CSMD1: variants seen among roughly 807,000 people sequenced by gnomAD.
CSMD1 encodes the protein CUB and Sushi multiple domains 1.
A neutral mutation model predicts 417.5 loss-of-function variants in CSMD1; 213 were observed. The ratio of observed to expected loss-of-function variants is 0.51; its 90% confidence interval spans 0.46 to 0.57. The LOEUF is 0.57. Ranked by LOEUF, CSMD1 falls within the 20% of genes least tolerant of loss-of-function variation. The pLI is 0.00. For missense variants in CSMD1, 6,923 were observed against 4,529.7 expected, an observed-to-expected ratio of 1.53 and a Z score of -15.17; for synonymous variants, 2,862 against 1,736.8, an observed-to-expected ratio of 1.65 and a Z score of -16.11.
chr8:3,566,289 A>G (rs1318013024), intron 10 of CSMD1, among the ~76,000 whole-genome samples: 1 of 152,156 alleles, frequency 6.6e-6, no homozygotes, highest in Non-Finnish European at 1.5e-5. Context: ...AAGGTGGAGG[A>G]CTTAGTATTT....
Position 3,399,537 on chromosome 8 carries a change from A to G in CSMD1, c.2267-8T>C. On this transcript the variant is annotated splice_polypyrimidine_tract_variant and splice_region_variant and intron_variant, in intron 15 of 69. Transcript: ENST00000635120. ...GATGTCCACCACATGGAGCTAAAAC[A>G]AGACGTAGAATATCTATTAGATCCA... 6.3e-7 allele frequency: 1 copy of G among 1,576,086 alleles called. No homozygotes were observed. Among genetic ancestry groups the G allele is most frequent in the Non-Finnish European group, 8.6e-7 (1 of 1,163,974 alleles).
intron 3 of CSMD1, among the ~76,000 whole-genome samples, chr8:4,342,963 A>G (rs1022803936): frequency 6.6e-6 from 1 of 152,132 alleles, no homozygotes; most frequent in African/African-American, 2.4e-5. Flanking sequence ...TCTGACAGGT[A>G]GATGTCAGGT....
intron 5 of CSMD1, among the ~76,000 whole-genome samples, chr8:3,762,887 G>C (rs1286557245): frequency 6.6e-6 from 1 of 151,888 alleles, no homozygotes; most frequent in East Asian, 1.9e-4. Flanking sequence ...CTGCTGATGA[G>C]AGCTGCTACT....
intron 8 of CSMD1, among the ~76,000 whole-genome samples, chr8:3,589,968 G>GTT (rs1800776704): frequency 8.6e-6 from 1 of 116,760 alleles, no homozygotes; most frequent in African/African-American, 3.2e-5. Context: ...AATTTCTGGT[G>GTT]ATATTCTTCA....
chr8:3,258,913 G>A (rs1311273821), intron 26 of CSMD1, among the ~76,000 whole-genome samples: 1 of 152,178 alleles, frequency 6.6e-6, no homozygotes, highest in Admixed American at 6.5e-5. Flanking sequence ...GACACATAAA[G>A]GGGAACAATA....
intron 1 of CSMD1, among the ~76,000 whole-genome samples, chr8:4,866,361 A>G (rs1185261372): frequency 6.6e-6 from 1 of 151,964 alleles, no homozygotes; most frequent in African/African-American, 2.4e-5. Context: ...AAAAATAACA[A>G]CTACTGTCTT....
intron 2 of CSMD1, among the ~76,000 whole-genome samples, chr8:4,614,391 A>T (rs1801358381): frequency 6.6e-6 from 1 of 152,190 alleles, no homozygotes; most frequent in Non-Finnish European, 1.5e-5. Flanking sequence ...GACAGAAAAC[A>T]GTCCAGATAT....
chr8:4,123,035 G>A (rs566594833), intron 3 of CSMD1, among the ~76,000 whole-genome samples: 16 of 152,198 alleles, frequency 1.1e-4, no homozygotes, highest in African/African-American at 2.9e-4. Context: ...TCAGAGACTG[G>A]AATTTTTCTG....
intron 3 of CSMD1, among the ~76,000 whole-genome samples, chr8:4,386,478 A>G (rs1018705737): frequency 6.6e-5 from 10 of 152,344 alleles, no homozygotes; most frequent in African/African-American, 2.2e-4. Flanking sequence ...AAACCACCTT[A>G]TCTCCCAGTC....
intron 1 of CSMD1, among the ~76,000 whole-genome samples, chr8:4,779,921 C>G (rs1797066940): frequency 6.6e-6 from 1 of 150,528 alleles, no homozygotes; most frequent in South Asian, 2.1e-4. Context: ...TTTTTTTTCT[C>G]CAATAAGAAA....
intron 10 of CSMD1, among the ~76,000 whole-genome samples, chr8:3,508,530 A>G (rs1222209515): frequency 1.3e-5 from 2 of 152,084 alleles, no homozygotes; most frequent in African/African-American, 4.8e-5. Context: ...AAAATAGAAT[A>G]TTTTTTAAAG....
At chr8:3,893,351 A>ATATATATATATATATATATATATATATG (rs1230376349) in intron 5 of CSMD1, among the ~76,000 whole-genome samples, 2 of 133,204 alleles carry the variant, frequency 1.5e-5, no homozygotes, top group Non-Finnish European at 3.3e-5. Flanking sequence ...ATATATATAT[A>ATATATATATATATATATATATATATATG]TATATATATA....
chr8:3,246,072 C>T (rs566713405), intron 26 of CSMD1, among the ~76,000 whole-genome samples: 1 of 152,156 alleles, frequency 6.6e-6, no homozygotes, highest in Non-Finnish European at 1.5e-5. Flanking sequence ...CAGTGCAATC[C>T]ATTCTCTGCA....
intron 1 of CSMD1, among the ~76,000 whole-genome samples, chr8:4,987,562 C>T (rs560712281): frequency 3.0e-4 from 46 of 151,942 alleles, no homozygotes; most frequent in Admixed American, 2.8e-3. Flanking sequence ...AAATATATCA[C>T]GCCAAAAAGT....
intron 24 of CSMD1, 124 bp downstream of exon 24, chr8:3,308,188 A>AAAAC (rs758349293): frequency 3.0e-4 from 219 of 736,946 alleles, no homozygotes; most frequent in Non-Finnish European, 4.5e-4. Context: ...CAGAATACAT[A>AAAAC]AAACTCACAC....
chr8:3,519,424 C>A (rs1225220098), intron 10 of CSMD1, among the ~76,000 whole-genome samples: 3 of 152,144 alleles, frequency 2.0e-5, no homozygotes, highest in African/African-American at 7.2e-5. Context: ...CATGCTGGTT[C>A]ATGTAAAAGA....
chr8:3,359,689 A>C (rs2117711754), intron 20 of CSMD1, among the ~76,000 whole-genome samples: 1 of 152,288 alleles, frequency 6.6e-6, no homozygotes, highest in East Asian at 1.9e-4. Context: ...TAGCAGAGTA[A>C]GGTGACTATA....
chr8:4,901,785 AG>A (rs1804886438), intron 1 of CSMD1, among the ~76,000 whole-genome samples: 1 of 152,158 alleles, frequency 6.6e-6, no homozygotes, highest in African/African-American at 2.4e-5. Flanking sequence ...CCTTCCTTGG[AG>A]GGAGGCACAA....
chr8:4,856,723 A>G (rs575059772), intron 1 of CSMD1, among the ~76,000 whole-genome samples: 1 of 149,790 alleles, frequency 6.7e-6, no homozygotes, highest in South Asian at 2.2e-4. Flanking sequence ...TAACTATCCT[A>G]AATATATATG....
Sources: allele counts gnomAD v4.1 joint callset (sites outside exome capture counted in the v4.1 genomes callset), GRCh38; gene constraint gnomAD v4.1.1; transcripts MANE v1.5; gene names NCBI Gene and HGNC (gene_info 2026-07-23, HGNC 2026-07-21).